Variants in MAP4 observed in about 807,000 individuals in gnomAD.
The protein encoded by MAP4 is microtubule-associated protein 4.
In MAP4, 76 loss-of-function variants were observed where a neutral mutation model predicts 170.2. The observed-to-expected ratio is 0.45, with a 90% CI of 0.37 to 0.54. MAP4 has a LOEUF of 0.54. MAP4 is among the 20% of genes least tolerant of loss of function. MAP4 has a pLI of 0.00. For missense variants in MAP4, 2,506 were observed against 2,748.0 expected (o/e 0.91, Z 1.97); for synonymous variants, 909 against 994.5 (o/e 0.91, Z 1.62).
intron 3 of MAP4, among the ~76,000 whole-genome samples, chr3:47,935,966 A>C (rs943084758): frequency 6.6e-6 from 1 of 151,378 alleles, no homozygotes; most frequent in African/African-American, 2.4e-5. Context: ...AATATTAGGA[A>C]TATACCTCAA....
chr3:47,872,177 T>C, intron 12 of MAP4, 77 bp from the exon 13 acceptor site: 1 of 1,288,938 alleles, frequency 7.8e-7, no homozygotes, highest in Non-Finnish European at 1.1e-6. Flanking sequence ...ATGCTTCTTT[T>C]TTTGTTTGTT....
intron 2 of MAP4, among the ~76,000 whole-genome samples, chr3:47,990,301 G>A (rs987382271): frequency 2.6e-5 from 4 of 152,116 alleles, no homozygotes; most frequent in Non-Finnish European, 5.9e-5. Context: ...ATTATGGCTT[G>A]TTAAAACAGA....
chr3:47,883,391 A>G (rs2152777497), intron 10 of MAP4, among the ~76,000 whole-genome samples: 1 of 151,670 alleles, frequency 6.6e-6, no homozygotes, highest in East Asian at 2.0e-4. Context: ...CGCCCGGCTA[A>G]TTTTGTATTT....
chr3:48,028,330 A>G (rs1321459605), intron 1 of MAP4, among the ~76,000 whole-genome samples: 2 of 152,218 alleles, frequency 1.3e-5, no homozygotes, highest in Non-Finnish European at 2.9e-5. Flanking sequence ...TAAGTACGAC[A>G]CAGCTGCACT....
At chr3:47,981,011 T>G (rs2100085118) in intron 2 of MAP4, among the ~76,000 whole-genome samples, 1 of 152,222 alleles carries the variant, frequency 6.6e-6, no homozygotes, top group African/African-American at 2.4e-5. Flanking sequence ...ATAACCTTTT[T>G]ATGAGACAAT....
At chr3:48,064,258 T>C (rs1003235060) in intron 1 of MAP4, among the ~76,000 whole-genome samples, 1 of 152,112 alleles carries the variant, frequency 6.6e-6, no homozygotes, top group East Asian at 1.9e-4. Context: ...CCCAAGATCG[T>C]GTTTGAGATA....
intron 1 of MAP4, among the ~76,000 whole-genome samples, chr3:48,087,944 G>A (rs2100150194): frequency 6.6e-6 from 1 of 152,082 alleles, no homozygotes; most frequent in Admixed American, 6.6e-5. Context: ...CCGAGCTTGG[G>A]TCCTAAAGCA....
intron 3 of MAP4, among the ~76,000 whole-genome samples, chr3:47,932,448 G>T (rs1381815033): frequency 6.6e-6 from 1 of 152,150 alleles, no homozygotes; most frequent in South Asian, 2.1e-4. Context: ...CCTAGGAGTA[G>T]AACTGCTGGG....
At position 47,852,965 on chromosome 3, in the gene MAP4, G is replaced by T. The variant is rs1300545211; in HGVS notation, c.6887-27C>A. ...TGCAGTGACATGGGAGGAGGGAAGG[G>T]AGAGGGGAACAGGGGAGACAAGAGG... is the stretch of plus-strand genomic sequence containing the variant. On this transcript the variant is annotated intron_variant, in intron 20 of 20. Coordinates refer to ENST00000683076, the MANE Select transcript of MAP4 (RefSeq NM_001385682.1). 4 of 1,614,026 alleles carry T rather than the reference G, an allele frequency of 2.5e-6. No individual in the cohort carries two copies. The African/African-American group carries it at 5.3e-5, about 22-fold the overall frequency.
chr3:47,867,830 G>C (rs1341249684), intron 16 of MAP4, among the ~76,000 whole-genome samples: 1 of 152,230 alleles, frequency 6.6e-6, no homozygotes, highest in Non-Finnish European at 1.5e-5. Flanking sequence ...CAGAAGCAAA[G>C]GCTGCTCTGA....
At chr3:48,037,776 T>C (rs1300547685) in intron 1 of MAP4, among the ~76,000 whole-genome samples, 3 of 152,212 alleles carry the variant, frequency 2.0e-5, no homozygotes, top group Admixed American at 6.5e-5. Context: ...CTATATGATA[T>C]GTACTTCTAG....
chr3:48,052,186 T>G (rs2100128274), intron 1 of MAP4, among the ~76,000 whole-genome samples: 1 of 152,098 alleles, frequency 6.6e-6, no homozygotes, highest in Non-Finnish European at 1.5e-5. Context: ...ATGGAAGGAT[T>G]AGGTGGAAGA....
At chr3:47,881,450 A>C (rs1417653436) in intron 10 of MAP4, among the ~76,000 whole-genome samples, 5 of 13,242 alleles carry the variant, frequency 3.8e-4, no homozygotes, top group Non-Finnish European at 2.8e-4. Flanking sequence ...AAACAACTAT[A>C]TATATATATA....
intron 1 of MAP4, among the ~76,000 whole-genome samples, chr3:48,012,253 A>T (rs2100105660): frequency 6.6e-6 from 1 of 152,156 alleles, no homozygotes. Context: ...ACCACCTACC[A>T]TGTTCTCTCT....
At chr3:47,934,716 C>A (rs1165688763) in intron 3 of MAP4, among the ~76,000 whole-genome samples, 1 of 151,896 alleles carries the variant, frequency 6.6e-6, no homozygotes, top group Non-Finnish European at 1.5e-5. Flanking sequence ...TGTTTTTTTC[C>A]CCCAGTGGTA....
intron 1 of MAP4, among the ~76,000 whole-genome samples, chr3:48,078,120 A>G (rs2100144854): frequency 6.6e-6 from 1 of 152,068 alleles, no homozygotes; most frequent in African/African-American, 2.4e-5. Context: ...AACATTGTGA[A>G]TACACCAAAA....
intron 10 of MAP4, chr3:47,892,822 A>T: frequency 9.1e-7 from 1 of 1,102,400 alleles, no homozygotes; most frequent in Non-Finnish European, 1.1e-6. Context: ...TATGGTGCCA[A>T]TCCAAGCACT....
rs373111762 is a variant in MAP4 at position 47,915,382 on chromosome 3, C to A, written c.1877-443G>T. 8.2e-4 allele frequency among the ~76,000 whole-genome samples: 125 copies of A among 152,240 alleles called. No homozygotes were observed. The East Asian group carries it at 0.019, about 23-fold the overall frequency. On this transcript the variant is annotated intron_variant, in intron 7 of 20. Coordinates refer to ENST00000683076, the MANE Select transcript of MAP4 (RefSeq NM_001385682.1). Reference sequence around the variant, plus strand: ...CCGCCCACCTCGGCCGCCCAAAGTGCTGGGATTACAGGTGTGAGCCACCAT... The same window carrying A: ...CCGCCCACCTCGGCCGCCCAAAGTGATGGGATTACAGGTGTGAGCCACCAT...
At chr3:47,854,544 C>T (rs940638854) in intron 19 of MAP4, among the ~76,000 whole-genome samples, 1 of 152,218 alleles carries the variant, frequency 6.6e-6, no homozygotes, top group Non-Finnish European at 1.5e-5. Context: ...GCAAGATGCC[C>T]CTCATGGGCC....
Sources: gnomAD v4.1 joint callset for allele counts (sites outside exome capture counted in the v4.1 genomes callset) on GRCh38, gnomAD v4.1.1 for gene constraint, MANE v1.5 for transcripts, NCBI Gene and HGNC (gene_info 2026-07-23, HGNC 2026-07-21) for gene names.